The following BAIAP3 variants were observed in gnomAD, a reference collection of about 807,000 sequenced individuals.
BAIAP3 encodes the protein BAI1 associated protein 3.
BAIAP3 carries 180 observed loss-of-function variants against 149.7 expected under a neutral mutation model. That is an observed-to-expected ratio of 1.20 (90% CI 1.07 to 1.36). The LOEUF (loss-of-function observed/expected upper bound fraction) is 1.36, where lower values mean the gene tolerates loss of function less well. Among genes scored for constraint, BAIAP3 ranks in the 40% most tolerant of loss-of-function variants. BAIAP3 has a pLI of 0.00. For missense variants in BAIAP3, 1,767 were observed against 1,563.4 expected (o/e 1.13, Z -2.20); for synonymous variants, 845 against 670.7 (o/e 1.26, Z -4.02).
At chr16:1,345,477 C>T in intron 22 of BAIAP3, 105 bp downstream of exon 22, 1 of 1,309,296 alleles carries the variant, frequency 7.6e-7, no homozygotes, top group Non-Finnish European at 1.0e-6. Flanking sequence ...GCCTCCTCCG[C>T]CTCCCCAGCC....
rs778504525 is a variant in BAIAP3, at chr16:1,345,357, C to T, written c.2049C>T (p.Ala683=). The part of the protein sequence containing the change: ...RDQAKWRLQG[A]VDMDTLEPVD... ...AGGCCAAGTGGAGGCTTCAGGGAGC[C>T]GTGGACATGGACACGGTGACAGCTG... Residue 683 remains alanine (A), a synonymous_variant, in exon 22 of 34, where the codon GCC becomes GCT. Coordinates refer to ENST00000426824, the MANE Select transcript of BAIAP3 (RefSeq NM_001199097.2). 4.3e-6 allele frequency: 7 copies of T among 1,612,374 alleles called. No homozygotes were observed. Among genetic ancestry groups the T allele is most frequent in the South Asian group, 2.2e-5 (2 of 91,064 alleles).
rs199639251 is a variant in BAIAP3 at position 1,345,821 on chromosome 16, G to A, written c.2139G>A (p.Gln713=). 6.5e-5 allele frequency: 102 copies of A among 1,581,154 alleles called. No homozygotes were observed. The African/African-American group carries it at 1.2e-3, about 19-fold the overall frequency. Residue 713 remains glutamine (Q), a synonymous_variant, in exon 23 of 34, where the codon CAG becomes CAA. Coordinates refer to ENST00000426824, the MANE Select transcript of BAIAP3 (RefSeq NM_001199097.2). ...ATAGLCLSHI[Q]ELWVRLAWPD... is the part of the protein sequence containing the mutation. ...CTGGTCTCTGCCTCAGCCACATCCA[G>A]GAGTTGTGGGTGCGCCTGGCGTGGC... is the stretch of plus-strand genomic sequence containing the variant.
chr16:1,346,325 G>T lies in BAIAP3; in HGVS notation c.2457G>T (p.Arg819=), dbSNP rs778325650. ...CTQALDDDLQ[R]EAHTVTAHLT... ...AGGCCCTGGACGATGATCTGCAACG[G>T]GAGGCCCACACGGTGACAGCGCACC... Residue 819 remains arginine, a synonymous_variant, in exon 25 of 34, where the codon CGG becomes CGT. Coordinates refer to ENST00000426824, the MANE Select transcript of BAIAP3 (RefSeq NM_001199097.2). 6.2e-7 allele frequency: 1 copy of T among 1,604,120 alleles called. No individual in the cohort carries two copies. Among genetic ancestry groups the T allele is most frequent in the East Asian group, 2.2e-5 (1 of 44,608 alleles).
At chr16:1,337,261 A>G (rs577170544) in intron 1 of BAIAP3, among the ~76,000 whole-genome samples, 1 of 152,278 alleles carries the variant, frequency 6.6e-6, no homozygotes, top group East Asian at 1.9e-4. Context: ...CATGCCTGTA[A>G]TCCCAGCACT....
intron 23 of BAIAP3, 42 bp from the exon 24 acceptor site, chr16:1,345,943 CA>C (rs1431025594): frequency 1.9e-6 from 3 of 1,585,236 alleles, no homozygotes; most frequent in Non-Finnish European, 2.6e-6. Context: ...GGAGATGGGG[CA>C]GGGGAGGGCT....
chr16:1,344,378 C>T, intron 17 of BAIAP3, 61 bp downstream of exon 17: 2 of 1,610,266 alleles, frequency 1.2e-6, no homozygotes, highest in South Asian at 1.1e-5. Flanking sequence ...TCCCTGCCTT[C>T]CCGTCCCCTG....
At position 1,342,802 on chromosome 16, in the gene BAIAP3, C is replaced by G; in HGVS notation, c.1149C>G (p.His383Gln). 6.2e-7 allele frequency: 1 copy of G among 1,612,720 alleles called. No individual in the cohort carries two copies. Among genetic ancestry groups the G allele is most frequent in the Non-Finnish European group, 8.5e-7 (1 of 1,179,998 alleles). ...TCAGCCATCTGCTGCGGTTGGAGCA[C>G]TCAGCAGAGGAGGTAGTGGGTGCGC... ...LLLSHLLRLE[H>Q]SAEEPNSSSW... The change falls in exon 13 of 34, where the codon CAC becomes CAG. Residue 383 changes from histidine (H) to glutamine (Q), a missense_variant. Coordinates refer to ENST00000426824, the MANE Select transcript of BAIAP3 (RefSeq NM_001199097.2).
At chr16:1,347,245 TCCC>T (rs2034438387) in intron 28 of BAIAP3, 50 bp from the exon 29 acceptor site, 3 of 1,566,962 alleles carry the variant, frequency 1.9e-6, no homozygotes, top group Non-Finnish European at 2.6e-6. Flanking sequence ...TCTCTACCTG[TCCC>T]CAGCACAAGC....
chr16:1,338,764 C>T, intron 2 of BAIAP3, 84 bp downstream of exon 2: 3 of 1,571,112 alleles, frequency 1.9e-6, no homozygotes, highest in Non-Finnish European at 2.6e-6. Flanking sequence ...GCCCCAGCAC[C>T]CCTGGGCGGG....
rs775610060 is a variant in BAIAP3 at position 1,344,534 on chromosome 16, G to T, written c.1659+9G>T. 1 of 1,612,906 alleles carries T rather than the reference G, an allele frequency of 6.2e-7. No individual in the cohort carries two copies. The highest frequency in any genetic ancestry group is 2.2e-5 in the East Asian group (1 of 44,874). ...AGAGTCCCCGAGAGCAGGTGCAGTT[G>T]TGGGGGACCCTGGCCATGAGGGGTA... On this transcript the variant is annotated intron_variant, in intron 18 of 33. Transcript: ENST00000426824.
At chr16:1,345,461 CCCCCAGCCTCCTCCGCCT>C (rs1362209399) in intron 22 of BAIAP3, 89 bp downstream of exon 22, 5 of 1,034,568 alleles carry the variant, frequency 4.8e-6, no homozygotes, top group East Asian at 3.3e-5. Flanking sequence ...TCCCCAGCAA[CCCCCAGCCTCCTCCGCCT>C]CCCCAGCCTC....
At chr16:1,347,409 G>C (rs1318031952) in intron 29 of BAIAP3, 40 bp downstream of exon 29, 7 of 1,607,992 alleles carry the variant, frequency 4.4e-6, no homozygotes, top group Non-Finnish European at 5.9e-6. Flanking sequence ...TGTGGATGAG[G>C]GGACTGAGTT....
chr16:1,343,341 G>A, intron 14 of BAIAP3, 52 bp from the exon 15 acceptor site: 2 of 1,560,516 alleles, frequency 1.3e-6, no homozygotes, highest in Non-Finnish European at 1.7e-6. Context: ...GTGCTGAGTG[G>A]GCATGGCAGG....
rs202084218 is a variant in BAIAP3, at chr16:1,347,351, G to C, written c.2805G>C (p.Leu935=). The C allele has an allele frequency of 3.1e-6, 5 of 1,613,590 alleles. No homozygotes were observed. In the Admixed American group the frequency reaches 5.0e-5, roughly 16 times the overall value. ...AEGQGLPLES[L]RDGSYKRLKE... ...GTCAGGGTTTGCCCCTGGAGAGCCT[G>C]AGGGATGGAAGCTACAAGGTGAGGT... Residue 935 remains leucine, a synonymous_variant, in exon 29 of 34, where the codon CTG becomes CTC. Transcript: ENST00000426824.
Position 1,346,834 on chromosome 16 carries a change from T to C in BAIAP3, c.2643-13T>C, listed in dbSNP as rs1305820528. 1.3e-6 allele frequency: 2 copies of C among 1,580,374 alleles called. No homozygotes were observed. The highest frequency in any genetic ancestry group is 2.3e-5 in the East Asian group (1 of 43,956). On this transcript the variant is annotated splice_polypyrimidine_tract_variant and intron_variant, in intron 27 of 33. Transcript: ENST00000426824. The stretch of plus-strand genomic sequence containing the variant: ...GGTGGGGCTGGCCCGTGGTCACTGA[T>C]GCTGCCCTGCAGGGTGCTGGAGGCC...
In BAIAP3 at chr16:1,339,563, A is replaced by G. The variant is rs2033713317; in HGVS notation, c.368A>G (p.Gln123Arg). 1.9e-6 allele frequency: 3 copies of G among 1,612,536 alleles called. No homozygotes were observed. Among genetic ancestry groups the G allele is most frequent in the African/African-American group, 2.7e-5 (2 of 74,906 alleles). ...LYRAGTMGPD[Q>R]VDDEEALLSY... ...CGCGCGGGTACCATGGGCCCTGACC[A>G]GGTGGACGACGAGGAGGCCCTGCTC... The change falls in exon 5 of 34, where the codon CAG becomes CGG. Residue 123 changes from glutamine to arginine, a missense_variant. Coordinates refer to ENST00000426824, the MANE Select transcript of BAIAP3 (RefSeq NM_001199097.2).
Position 1,338,586 on chromosome 16 carries a change from A to G in BAIAP3, c.37A>G (p.Arg13Gly), listed in dbSNP as rs1170354752. The change falls in exon 2 of 34, where the codon AGG becomes GGG. Residue 13 changes from arginine to glycine, a missense_variant. Arg to Gly is a moderately radical substitution (Grantham distance 125). Transcript: ENST00000426824. ...TLLDIKSSVL[R>G]QVQVCPSFRR... ...GCTGGACATTAAGAGCAGCGTGCTC[A>G]GGCAGGTGCAGGTGTGCCCGTCCTT... 1 of 1,609,264 alleles carries G rather than the reference A, an allele frequency of 6.2e-7. No homozygotes were observed. The highest frequency in any genetic ancestry group is 2.2e-5 in the East Asian group (1 of 44,774).
In BAIAP3 at chr16:1,339,255, G is replaced by A. The variant is rs1203045960; in HGVS notation, c.300+11G>A. Reference sequence around the variant, plus strand: ...CTGGCCCCAGAGGAGGTAAAGGTGGGGGTCGGAACCAGGGGCAGTCGTCTG... The same window carrying A: ...CTGGCCCCAGAGGAGGTAAAGGTGGAGGTCGGAACCAGGGGCAGTCGTCTG... On this transcript the variant is annotated intron_variant, in intron 4 of 33. Coordinates refer to ENST00000426824, the MANE Select transcript of BAIAP3 (RefSeq NM_001199097.2). The A allele has an allele frequency of 6.4e-7, 1 of 1,558,168 alleles. No individual in the cohort carries two copies. Among genetic ancestry groups the A allele is most frequent in the African/African-American group, 1.4e-5 (1 of 73,870 alleles).
intron 28 of BAIAP3, 132 bp from the exon 29 acceptor site, chr16:1,347,166 G>C: frequency 3.9e-6 from 4 of 1,019,854 alleles, no homozygotes; most frequent in Non-Finnish European, 5.7e-6. Context: ...TGCCCGCCAG[G>C]GTGTGAGAAA....
Sources: allele counts gnomAD v4.1 joint callset (sites outside exome capture counted in the v4.1 genomes callset), GRCh38; gene constraint gnomAD v4.1.1; transcripts MANE v1.5; gene names NCBI Gene and HGNC (gene_info 2026-07-23, HGNC 2026-07-21).